BABAM2: variants seen among roughly 807,000 people sequenced by gnomAD.
The protein encoded by BABAM2 is BRISC and BRCA1-A complex member 2.
BABAM2 carries 31 observed loss-of-function variants against 54.7 expected under a neutral mutation model. That is an observed-to-expected ratio of 0.57 (90% CI 0.43 to 0.77). The LOEUF (loss-of-function observed/expected upper bound fraction) is 0.77, where lower values mean the gene tolerates loss of function less well. Among genes scored for constraint, BABAM2 ranks in the 30% least tolerant of loss-of-function variants. The pLI is 0.00. For missense variants in BABAM2, 364 were observed against 455.8 expected, an observed-to-expected ratio of 0.80 and a Z score of 1.83; for synonymous variants, 167 against 162.9, an observed-to-expected ratio of 1.03 and a Z score of -0.19.
chr2:28,217,219 TTGAA>T (rs1298413220), intron 7 of BABAM2, among the ~76,000 whole-genome samples: 1 of 152,234 alleles, frequency 6.6e-6, no homozygotes, highest in Non-Finnish European at 1.5e-5. Context: ...TTAATATTTG[TTGAA>T]TGAATGAGTC....
At position 28,327,281 on chromosome 2, in the gene BABAM2, C is replaced by G. The variant is rs139248342; in HGVS notation, c.1089-11169C>G. ...TCTCATCTGCTGCACCAGGGGATGC[C>G]AAGGGAGCAGAGATGCCTGCAGCCC... On this transcript the variant is annotated intron_variant, in intron 11 of 11. Coordinates refer to ENST00000379624, the MANE Select transcript of BABAM2 (RefSeq NM_199191.3). The G allele has an allele frequency of 4.3e-4, 687 of 1,601,836 alleles. No homozygotes were observed. Among genetic ancestry groups the G allele is most frequent in the Non-Finnish European group, 5.7e-4 (668 of 1,174,208 alleles).
chr2:28,121,344 C>T (rs1298698361), intron 6 of BABAM2, among the ~76,000 whole-genome samples: 1 of 152,200 alleles, frequency 6.6e-6, no homozygotes, highest in African/African-American at 2.4e-5. Flanking sequence ...AACCTAATTA[C>T]TGAAATGACC....
chr2:28,271,580 G>A (rs1298596565), intron 10 of BABAM2, among the ~76,000 whole-genome samples: 1 of 152,196 alleles, frequency 6.6e-6, no homozygotes, highest in African/African-American at 2.4e-5. Flanking sequence ...GCCCTTTACA[G>A]TGAATATTCC....
intron 3 of BABAM2, among the ~76,000 whole-genome samples, chr2:27,977,433 T>C (rs1442567274): frequency 6.6e-6 from 1 of 152,094 alleles, no homozygotes; most frequent in Non-Finnish European, 1.5e-5. Context: ...AATTTAAAAT[T>C]TCAAAATGGA....
intron 6 of BABAM2, among the ~76,000 whole-genome samples, chr2:28,115,182 A>AAC (rs35506654): frequency 0.1 from 14,597 of 142,084 alleles, 743 homozygotes; most frequent in Middle Eastern, 0.15. Context: ...ATAACTTTAA[A>AAC]ACACACACAC....
intron 7 of BABAM2, among the ~76,000 whole-genome samples, chr2:28,177,532 G>A (rs1675136553): frequency 1.3e-5 from 2 of 151,480 alleles, no homozygotes; most frequent in Non-Finnish European, 2.9e-5. Flanking sequence ...TACCACTACA[G>A]AAAATTACCA....
At chr2:27,971,395 T>C (rs1387168514) in intron 3 of BABAM2, among the ~76,000 whole-genome samples, 1 of 152,170 alleles carries the variant, frequency 6.6e-6, no homozygotes, top group Non-Finnish European at 1.5e-5. Context: ...CATGTTCTTT[T>C]TCTTAAGCTT....
chr2:27,959,098 A>G lies in BABAM2; in HGVS notation c.206-28895A>G, dbSNP rs553125082. ...TAGAGAGCTTTTGTCCAAATTGAGG[A>G]CTCAGCATGAGTTGCTAATTGAGTG... On this transcript the variant is annotated intron_variant, in intron 3 of 11. Transcript: ENST00000379624. 5.9e-5 allele frequency among the ~76,000 whole-genome samples: 9 copies of G among 152,332 alleles called. No individual in the cohort carries two copies. In the East Asian group the frequency reaches 1.5e-3, roughly 26 times the overall value.
intron 7 of BABAM2, among the ~76,000 whole-genome samples, chr2:28,191,002 G>A (rs1185089417): frequency 6.6e-6 from 1 of 152,116 alleles, no homozygotes; most frequent in Non-Finnish European, 1.5e-5. Context: ...TCAAGGCACG[G>A]TTACAAAATA....
chr2:28,093,598 G>A (rs756491468), intron 6 of BABAM2, among the ~76,000 whole-genome samples: 6 of 152,122 alleles, frequency 3.9e-5, no homozygotes, highest in Non-Finnish European at 5.9e-5. Flanking sequence ...AAGATAGAAC[G>A]TTAATTTCCT....
intron 5 of BABAM2, among the ~76,000 whole-genome samples, chr2:28,027,498 C>A (rs1370873680): frequency 1.3e-5 from 2 of 152,168 alleles, no homozygotes; most frequent in Admixed American, 1.3e-4. Context: ...TAGTCAATCA[C>A]TAAACTACTT....
At chr2:28,147,010 CTTT>C (rs1393504668) in intron 7 of BABAM2, among the ~76,000 whole-genome samples, 7 of 152,170 alleles carry the variant, frequency 4.6e-5, no homozygotes, top group Admixed American at 3.9e-4. Flanking sequence ...ATTCCGTAGT[CTTT>C]TTGGAGATCT....
At chr2:27,967,382 G>A (rs765275219) in intron 3 of BABAM2, among the ~76,000 whole-genome samples, 7 of 152,318 alleles carry the variant, frequency 4.6e-5, no homozygotes, top group Admixed American at 1.3e-4. Context: ...ATTGTAAGAT[G>A]TGACTTGCTC....
chr2:28,249,789 C>T (rs1386896391), intron 10 of BABAM2, among the ~76,000 whole-genome samples: 3 of 152,006 alleles, frequency 2.0e-5, no homozygotes, highest in Non-Finnish European at 4.4e-5. Context: ...TATACATAAG[C>T]GCCATGACGC....
At chr2:28,249,290 C>T (rs1014106415) in intron 10 of BABAM2, among the ~76,000 whole-genome samples, 7 of 151,774 alleles carry the variant, frequency 4.6e-5, no homozygotes, top group South Asian at 4.2e-4. Context: ...GGTTTCACCA[C>T]GTTACCCAGG....
In BABAM2 at chr2:28,054,694, A is replaced by G. The variant is rs192983283; in HGVS notation, c.570+8895A>G. Among the ~76,000 whole-genome samples the G allele has an allele frequency of 2.6e-3, 390 of 152,296 alleles. 1 individual carries two copies. Among genetic ancestry groups the G allele is most frequent in the African/African-American group, 8.9e-3 (369 of 41,562 alleles). On this transcript the variant is annotated intron_variant, in intron 6 of 11. Coordinates refer to ENST00000379624, the MANE Select transcript of BABAM2 (RefSeq NM_199191.3). ...CACCACAGTTGCTGCTACCTTGATCATGGACATTCTAGCTTCCAGTACTGT... is the reference window on the plus strand; with the variant it reads ...CACCACAGTTGCTGCTACCTTGATCGTGGACATTCTAGCTTCCAGTACTGT...
At chr2:28,196,836 CTTTTTTTTTT>C (rs759950166) in intron 7 of BABAM2, among the ~76,000 whole-genome samples, 20 of 40,246 alleles carry the variant, frequency 5.0e-4, no homozygotes, top group African/African-American at 6.7e-4. Context: ...GAGACCCTGT[CTTTTTTTTTT>C]TTTTTTTTTT....
intron 7 of BABAM2, among the ~76,000 whole-genome samples, chr2:28,174,906 T>C (rs1674754246): frequency 6.6e-6 from 1 of 152,028 alleles, no homozygotes; most frequent in Admixed American, 6.6e-5. Context: ...GCTACTGTGG[T>C]GTGATGCCCC....
chr2:27,998,723 C>T (rs1298929245), intron 4 of BABAM2, among the ~76,000 whole-genome samples: 1 of 152,116 alleles, frequency 6.6e-6, no homozygotes, highest in Non-Finnish European at 1.5e-5. Flanking sequence ...TTTCCCCTTA[C>T]TGTGAATAAC....
Sources: gnomAD v4.1 joint callset for allele counts (sites outside exome capture counted in the v4.1 genomes callset) on GRCh38, gnomAD v4.1.1 for gene constraint, MANE v1.5 for transcripts, NCBI Gene and HGNC (gene_info 2026-07-23, HGNC 2026-07-21) for gene names.